GABRG1: variants seen among roughly 807,000 people sequenced by gnomAD.
GABRG1 encodes the protein gamma-aminobutyric acid type A receptor subunit gamma1.
In GABRG1, 49 loss-of-function variants were observed where a neutral mutation model predicts 49.8. That is an observed-to-expected ratio of 0.98 (90% confidence interval 0.78 to 1.25). The LOEUF (loss-of-function observed/expected upper bound fraction) is 1.25. Ranked by LOEUF, GABRG1 falls within the 50% of genes most tolerant of loss-of-function variation. The probability of loss-of-function intolerance (pLI) is 0.00; values close to 1 mark genes in which losing one functional copy is unlikely to be tolerated. For missense variants in GABRG1, 552 were observed against 552.3 expected (o/e 1.00, Z 0.01); for synonymous variants, 232 against 185.1 (o/e 1.25, Z -2.06).
intron 1 of GABRG1, among the ~76,000 whole-genome samples, chr4:46,113,944 A>G (rs1720797536): frequency 6.6e-6 from 1 of 151,202 alleles, no homozygotes; most frequent in Non-Finnish European, 1.5e-5. Flanking sequence ...AAAGAAACGT[A>G]TCTTCTGAGT....
chr4:46,101,077 T>C (rs948060030), intron 1 of GABRG1, among the ~76,000 whole-genome samples: 1 of 151,500 alleles, frequency 6.6e-6, no homozygotes, highest in South Asian at 2.1e-4. Flanking sequence ...AGCTGGGAGA[T>C]TTTTGTAGCA....
intron 2 of GABRG1, 111 bp downstream of exon 2, chr4:46,097,090 A>G (rs1026281360): frequency 1.1e-6 from 1 of 926,206 alleles, no homozygotes; most frequent in Non-Finnish European, 1.5e-6. Context: ...AATTCAGCAG[A>G]TTCTCTGACA....
intron 8 of GABRG1, among the ~76,000 whole-genome samples, chr4:46,044,385 G>T (rs1717907179): frequency 6.6e-6 from 1 of 152,102 alleles, no homozygotes; most frequent in Non-Finnish European, 1.5e-5. Context: ...GGAGGCTGAG[G>T]TGGGAGGATG....
At chr4:46,116,928 C>T (rs559843012) in intron 1 of GABRG1, among the ~76,000 whole-genome samples, 1 of 150,582 alleles carries the variant, frequency 6.6e-6, no homozygotes, top group Non-Finnish European at 1.5e-5. Flanking sequence ...ATTCTTTACT[C>T]AACACACTCT....
intron 5 of GABRG1, among the ~76,000 whole-genome samples, chr4:46,062,696 G>T (rs1042014396): frequency 1.3e-5 from 2 of 151,986 alleles, no homozygotes; most frequent in Non-Finnish European, 2.9e-5. Context: ...GGAAATGAAG[G>T]GTATTCAATT....
At chr4:46,076,393 A>ATATATG (rs1719332964) in intron 3 of GABRG1, among the ~76,000 whole-genome samples, 1 of 140,700 alleles carries the variant, frequency 7.1e-6, no homozygotes, top group South Asian at 2.2e-4. Context: ...ATATATATAT[A>ATATATG]TATATATATA....
intron 3 of GABRG1, among the ~76,000 whole-genome samples, chr4:46,081,130 T>G (rs1263963568): frequency 6.6e-6 from 1 of 151,778 alleles, no homozygotes. Context: ...CAGCTTCATC[T>G]TTCAGGTCCT....
chr4:46,097,463 G>C, intron 1 of GABRG1, 114 bp from the exon 2 acceptor site: 1 of 948,966 alleles, frequency 1.1e-6, no homozygotes, highest in Non-Finnish European at 1.5e-6. Flanking sequence ...AGACAAAAAG[G>C]TATTACACTA....
At chr4:46,070,700 G>A (rs558225246) in intron 3 of GABRG1, among the ~76,000 whole-genome samples, 10 of 152,122 alleles carry the variant, frequency 6.6e-5, no homozygotes, top group African/African-American at 2.4e-4. Context: ...TGTAGGGGCT[G>A]GAAAGTGCAA....
chr4:46,114,309 T>C (rs1373103877), intron 1 of GABRG1, among the ~76,000 whole-genome samples: 3 of 151,014 alleles, frequency 2.0e-5, no homozygotes, highest in Admixed American at 6.6e-5. Flanking sequence ...ATGATTATTT[T>C]ATGAGCACAA....
intron 4 of GABRG1, 98 bp downstream of exon 4, chr4:46,065,266 T>C (rs980418172): frequency 5.5e-6 from 4 of 731,800 alleles, no homozygotes; most frequent in Non-Finnish European, 8.8e-6. Context: ...CTCCACATTT[T>C]TGGTTTTGCA....
rs779535976 is a variant in GABRG1 at position 46,041,161 on chromosome 4, C to A, written c.1225G>T (p.Gly409Cys). 16 of 1,613,024 alleles carry A rather than the reference C, an allele frequency of 9.9e-6. No individual in the cohort carries two copies. Among genetic ancestry groups the A allele is most frequent in the Non-Finnish European group, 1.3e-5 (15 of 1,179,360 alleles). ...EDDYGYQCLE[G>C]KDCASFFCCF... ...CAGAAGAAGCTGGCACAATCTTTGCCCTCCAAACACTGATACCCATAATCA... is the reference window on the plus strand; with the variant it reads ...CAGAAGAAGCTGGCACAATCTTTGCACTCCAAACACTGATACCCATAATCA... The change falls in exon 9 of 9, where the codon GGC becomes TGC. Residue 409 changes from glycine (G) to cysteine (C), a missense_variant. Gly to Cys is a radical substitution (Grantham distance 159, BLOSUM62 -3). Transcript: ENST00000295452.
chr4:46,090,554 A>AAAG (rs1719941881), intron 2 of GABRG1, among the ~76,000 whole-genome samples: 1 of 152,006 alleles, frequency 6.6e-6, no homozygotes, highest in African/African-American at 2.4e-5. Flanking sequence ...ACAGACACAA[A>AAAG]ATAATAATAG....
chr4:46,094,084 A>G (rs748128314), intron 2 of GABRG1, among the ~76,000 whole-genome samples: 8 of 152,058 alleles, frequency 5.3e-5, no homozygotes, highest in African/African-American at 1.2e-4. Context: ...CAAAGAAGAA[A>G]TTACAAAGAA....
At chr4:46,089,867 G>A (rs916515142) in intron 2 of GABRG1, among the ~76,000 whole-genome samples, 4 of 152,040 alleles carry the variant, frequency 2.6e-5, no homozygotes, top group African/African-American at 4.8e-5. Context: ...GCAGGCTGAG[G>A]TGGAGGGATC....
chr4:46,105,196 G>C (rs1720493035), intron 1 of GABRG1, among the ~76,000 whole-genome samples: 1 of 151,264 alleles, frequency 6.6e-6, no homozygotes, highest in Non-Finnish European at 1.5e-5. Flanking sequence ...ATTAAGGCCT[G>C]GGCAAATTAT....
At chr4:46,119,417 C>T (rs896489163) in intron 1 of GABRG1, among the ~76,000 whole-genome samples, 4 of 151,394 alleles carry the variant, frequency 2.6e-5, no homozygotes, top group Admixed American at 6.6e-5. Context: ...ATTTAAGTTT[C>T]GGTTTCAGCA....
intron 2 of GABRG1, among the ~76,000 whole-genome samples, chr4:46,094,014 A>G (rs1720090548): frequency 6.6e-6 from 1 of 152,046 alleles, no homozygotes; most frequent in Admixed American, 6.6e-5. Context: ...TAACAAAAAT[A>G]TACCTAGAAC....
Position 46,099,049 on chromosome 4 carries a change from T to C in GABRG1, c.105-1700A>G, listed in dbSNP as rs142014107. Among the ~76,000 whole-genome samples the C allele has an allele frequency of 2.9e-3, 447 of 151,900 alleles. 1 individual carries two copies. Among genetic ancestry groups the C allele is most frequent in the African/African-American group, 0.011 (436 of 41,508 alleles). On this transcript the variant is annotated intron_variant, in intron 1 of 8. Coordinates refer to ENST00000295452, the MANE Select transcript of GABRG1 (RefSeq NM_173536.4). ...AGAATTTACTATATTATTTCATCGT[T>C]ATAATAATTATATTAATAGTTATCT...
Sources: allele counts gnomAD v4.1 joint callset (sites outside exome capture counted in the v4.1 genomes callset), GRCh38; gene constraint gnomAD v4.1.1; transcripts MANE v1.5; gene names NCBI Gene and HGNC (gene_info 2026-07-23, HGNC 2026-07-21).